Variants in RBFOX1 observed in about 807,000 individuals in gnomAD.
The protein encoded by RBFOX1 is RNA binding fox-1 homolog 1, also known as RNA binding protein fox-1 homolog 1.
In RBFOX1, 8 loss-of-function variants were observed where a neutral mutation model predicts 57.7. The observed-to-expected ratio is 0.14, with a 90% CI of 0.08 to 0.25. RBFOX1 has a LOEUF of 0.25. Ranked by LOEUF, RBFOX1 falls within the 10% of genes least tolerant of loss-of-function variation. The pLI, the probability that RBFOX1 is intolerant of heterozygous loss-of-function variation, is 1.00. For synonymous variants in RBFOX1, 326 were observed against 222.4 expected (o/e 1.47, Z -4.15); for missense variants, 611 against 548.5 (o/e 1.11, Z -1.14).
At chr16:7,434,987 G>A (rs576571708) in intron 4 of RBFOX1, among the ~76,000 whole-genome samples, 10 of 152,112 alleles carry the variant, frequency 6.6e-5, no homozygotes, top group African/African-American at 1.4e-4. Context: ...TGATCCGCCT[G>A]CCTTGGCCTC....
At chr16:6,042,927 T>C (rs945506842) in intron 1 of RBFOX1, among the ~76,000 whole-genome samples, 3 of 151,580 alleles carry the variant, frequency 2.0e-5, no homozygotes, top group East Asian at 1.9e-4. Flanking sequence ...TAGAAAGAAA[T>C]GCTTGATTTA....
chr16:6,674,100 A>G (rs1309887986), intron 3 of RBFOX1, among the ~76,000 whole-genome samples: 1 of 152,166 alleles, frequency 6.6e-6, no homozygotes, highest in East Asian at 1.9e-4. Context: ...TAGAAACACC[A>G]TTCAAATTGG....
chr16:6,208,916 C>T (rs1353884609), intron 1 of RBFOX1, among the ~76,000 whole-genome samples: 1 of 152,016 alleles, frequency 6.6e-6, no homozygotes, highest in Non-Finnish European at 1.5e-5. Context: ...ATCTGTTTAT[C>T]TTCAGGCCAT....
chr16:7,207,599 T>A (rs551843018), intron 4 of RBFOX1, among the ~76,000 whole-genome samples: 2 of 152,208 alleles, frequency 1.3e-5, no homozygotes, highest in African/African-American at 4.8e-5. Flanking sequence ...ATGGAAACTA[T>A]GACAGCAAAA....
chr16:7,264,713 T>TA (rs2095061017), intron 4 of RBFOX1, among the ~76,000 whole-genome samples: 1 of 152,040 alleles, frequency 6.6e-6, no homozygotes, highest in African/African-American at 2.4e-5. Flanking sequence ...CTTTTTTTTT[T>TA]AAAAAAATGT....
intron 3 of RBFOX1, among the ~76,000 whole-genome samples, chr16:6,806,836 A>ATATATATATATATATATAT (rs754342591): frequency 2.5e-3 from 228 of 91,776 alleles, no homozygotes; most frequent in Middle Eastern, 6.2e-3. Flanking sequence ...ATATATATAT[A>ATATATATATATATATATAT]TTTTTTTTTT....
At chr16:5,313,575 T>A (rs1408195641) in intron 1 of RBFOX1, among the ~76,000 whole-genome samples, 18 of 151,994 alleles carry the variant, frequency 1.2e-4, no homozygotes. Context: ...TTTAATGGAC[T>A]TACAGTTCCA....
At chr16:6,966,913 A>G (rs1335586470) in intron 3 of RBFOX1, among the ~76,000 whole-genome samples, 4 of 150,064 alleles carry the variant, frequency 2.7e-5, no homozygotes, top group Non-Finnish European at 4.4e-5. Flanking sequence ...CCATCCATCC[A>G]TCCATCCATC....
At chr16:6,335,940 T>A (rs2083599194) in intron 2 of RBFOX1, among the ~76,000 whole-genome samples, 1 of 150,342 alleles carries the variant, frequency 6.7e-6, no homozygotes, top group Non-Finnish European at 1.5e-5. Flanking sequence ...AGCCTCACAG[T>A]AGGCAGTGGG....
chr16:7,297,757 A>G (rs1027109184), intron 4 of RBFOX1, among the ~76,000 whole-genome samples: 5 of 152,210 alleles, frequency 3.3e-5, no homozygotes, highest in African/African-American at 1.2e-4. Context: ...AAAGTAATAC[A>G]CAGACACATT....
chr16:7,610,152 C>CTTTTTTTT (rs1394113002), intron 10 of RBFOX1, among the ~76,000 whole-genome samples: 5 of 38,344 alleles, frequency 1.3e-4, no homozygotes, highest in Admixed American at 3.6e-4. Flanking sequence ...GGCAGTTTTG[C>CTTTTTTTT]TCTGTTGCCC....
chr16:6,607,908 G>C (rs1346808214), intron 2 of RBFOX1, among the ~76,000 whole-genome samples: 1 of 152,012 alleles, frequency 6.6e-6, no homozygotes, highest in African/African-American at 2.4e-5. Context: ...TCTGGAGTTG[G>C]CAACATACTG....
In RBFOX1 at chr16:6,097,709, A is replaced by G. The variant is rs2096262050; in HGVS notation, c.-127+77717A>G. ...TAGGGCTTGTGAATCTGGAGCCCAT[A>G]GACTCAACTCCTGTGCTATACTGCC... On this transcript the variant is annotated intron_variant, in intron 1 of 15. Coordinates refer to ENST00000550418, the MANE Select transcript of RBFOX1 (RefSeq NM_018723.4). This position sits in a 1 kb window ranked among gnomAD's most constrained non-coding sequence, Gnocchi z 5.0. Among the ~76,000 whole-genome samples the G allele has an allele frequency of 6.6e-6, 1 of 151,896 alleles. No homozygotes were observed. Among genetic ancestry groups the G allele is most frequent in the South Asian group, 2.1e-4 (1 of 4,826 alleles).
chr16:5,714,365 G>C (rs1379983449), intron 3 of RBFOX1, among the ~76,000 whole-genome samples: 1 of 152,156 alleles, frequency 6.6e-6, no homozygotes, highest in African/African-American at 2.4e-5. Context: ...ATCATGATGA[G>C]AAGAACTTCC....
intron 3 of RBFOX1, among the ~76,000 whole-genome samples, chr16:6,730,904 G>T (rs1437418413): frequency 6.6e-6 from 1 of 152,168 alleles, no homozygotes; most frequent in Non-Finnish European, 1.5e-5. Flanking sequence ...CAAATATGGG[G>T]TGGGGAGATT....
At chr16:7,106,161 G>A (rs984476873) in intron 4 of RBFOX1, among the ~76,000 whole-genome samples, 11 of 152,174 alleles carry the variant, frequency 7.2e-5, no homozygotes. Flanking sequence ...TGAAGACACA[G>A]TGCACTTTGA....
At position 5,745,117 on chromosome 16, in the gene RBFOX1, G is replaced by A. The variant is rs182651828; in HGVS notation, c.319-122186G>A. Among the ~76,000 whole-genome samples, 483 of 152,108 alleles carry A rather than the reference G, an allele frequency of 3.2e-3. 3 individuals carry two copies. Among genetic ancestry groups the A allele is most frequent in the South Asian group, 7.9e-3 (38 of 4,806 alleles). On this transcript the variant is annotated intron_variant, in intron 3 of 19. Transcript: ENST00000641259. ...CTTCCCCCACCTCATGACAGGCCCC[G>A]GTGTGTGATGTTCCCCTTCTGTGTC...
chr16:6,661,822 G>T (rs1376605591), intron 3 of RBFOX1, among the ~76,000 whole-genome samples: 2 of 152,202 alleles, frequency 1.3e-5, no homozygotes, highest in East Asian at 1.9e-4. Flanking sequence ...GGGATGCCTG[G>T]ATTATTTGGT....
chr16:6,469,155 G>A (rs893273729), intron 2 of RBFOX1, among the ~76,000 whole-genome samples: 5 of 152,126 alleles, frequency 3.3e-5, no homozygotes, highest in Non-Finnish European at 7.3e-5. Flanking sequence ...AAAGAATATT[G>A]AAGAGATCCT....
Sources: allele counts gnomAD v4.1 joint callset (sites outside exome capture counted in the v4.1 genomes callset), GRCh38; gene constraint gnomAD v4.1.1; non-coding constraint Gnocchi (gnomAD v3.1); transcripts MANE v1.5; gene names NCBI Gene and HGNC (gene_info 2026-07-23, HGNC 2026-07-21).